The following UPB1 variants were observed in gnomAD, a reference collection of about 807,000 sequenced individuals.
UPB1 encodes the protein beta-ureidopropionase 1, also known as beta-ureidopropionase.
UPB1 carries 40 observed loss-of-function variants against 49.1 expected under a neutral mutation model. The observed-to-expected ratio is 0.81, with a 90% CI of 0.63 to 1.06. The LOEUF (loss-of-function observed/expected upper bound fraction) is 1.06. UPB1 is among the 50% of genes least tolerant of loss of function. The pLI, the probability that UPB1 is intolerant of heterozygous loss-of-function variation, is 0.00. For synonymous variants in UPB1, 207 were observed against 198.2 expected, an observed-to-expected ratio of 1.04 and a Z score of -0.38; for missense variants, 499 against 505.9, an observed-to-expected ratio of 0.99 and a Z score of 0.13.
At chr22:24,522,456 C>T (rs1184546557) in intron 8 of UPB1, among the ~76,000 whole-genome samples, 1 of 152,178 alleles carries the variant, frequency 6.6e-6, no homozygotes, top group Admixed American at 6.5e-5. Flanking sequence ...TTTCTAGAGT[C>T]CATGGCTTGT....
intron 3 of UPB1, among the ~76,000 whole-genome samples, chr22:24,507,148 A>G (rs2044105458): frequency 6.6e-6 from 1 of 152,242 alleles, no homozygotes; most frequent in Non-Finnish European, 1.5e-5. Flanking sequence ...GTAAACAGGA[A>G]AAGAAGCTGC....
At chr22:24,524,140 G>T (rs1159592977) in intron 9 of UPB1, among the ~76,000 whole-genome samples, 1 of 152,162 alleles carries the variant, frequency 6.6e-6, no homozygotes, top group East Asian at 1.9e-4. Flanking sequence ...GTCTGGTTCT[G>T]CTTGTGGCCA....
At chr22:24,500,490 C>A (rs1290743584) in intron 2 of UPB1, among the ~76,000 whole-genome samples, 3 of 152,270 alleles carry the variant, frequency 2.0e-5, no homozygotes, top group Non-Finnish European at 4.4e-5. Flanking sequence ...GTCTCTCCCT[C>A]CTCCTCACTG....
In UPB1 at chr22:24,510,283, C is replaced by A. The variant is rs77876202; in HGVS notation, c.365-466C>A. Among the ~76,000 whole-genome samples the A allele has an allele frequency of 2.8e-3, 420 of 151,774 alleles. 1 individual carries two copies. Among genetic ancestry groups the A allele is most frequent in the African/African-American group, 8.3e-3 (342 of 41,366 alleles). On this transcript the variant is annotated intron_variant, in intron 3 of 9. Coordinates refer to ENST00000326010, the MANE Select transcript of UPB1 (RefSeq NM_016327.3). Reference sequence around the variant, plus strand: ...ACTCTAAATACCTCCTATGAGTAGACGCCTACAGTATTTGTTTTGTGTCTT... The same window carrying A: ...ACTCTAAATACCTCCTATGAGTAGAAGCCTACAGTATTTGTTTTGTGTCTT...
At chr22:24,505,523 T>A (rs2044073732) in intron 3 of UPB1, among the ~76,000 whole-genome samples, 2 of 152,196 alleles carry the variant, frequency 1.3e-5, no homozygotes, top group Admixed American at 1.3e-4. Context: ...TTCAGCATGC[T>A]GATGTTTACT....
chr22:24,511,258 G>A (rs1033930062), intron 4 of UPB1, among the ~76,000 whole-genome samples: 1 of 152,068 alleles, frequency 6.6e-6, no homozygotes, highest in Non-Finnish European at 1.5e-5. Flanking sequence ...ATAGAAATTG[G>A]TTTTGATTTT....
In UPB1 at chr22:24,515,257, A is replaced by G. The variant is rs2044272585; in HGVS notation, c.678A>G (p.Gly226=). 6.2e-7 allele frequency: 1 copy of G among 1,614,164 alleles called. No homozygotes were observed. The highest frequency in any genetic ancestry group is 1.1e-5 in the South Asian group (1 of 91,076). The stretch of plus-strand genomic sequence containing the variant: ...ACCCCGTGTTCCAGACGCAGTTCGG[A>G]AGGATCGCGGTGAACATTTGCTACG... ...LGHPVFQTQF[G]RIAVNICYGR... Residue 226 remains glycine, a synonymous_variant, in exon 6 of 10, where the codon GGA becomes GGG. Coordinates refer to ENST00000326010, the MANE Select transcript of UPB1 (RefSeq NM_016327.3).
At position 24,526,620 on chromosome 22, in the gene UPB1, C is replaced by G. The variant is rs1376328553; in HGVS notation, c.*826C>G. The G allele has an allele frequency of 6.6e-6, 1 of 152,222 alleles. No individual in the cohort carries two copies. The allele number at this position is 152,222 out of a possible 1,614,324, so 9.4% of individuals were successfully genotyped here. On this transcript the variant is annotated 3_prime_UTR_variant, in exon 10 of 10. Coordinates refer to ENST00000326010, the MANE Select transcript of UPB1 (RefSeq NM_016327.3). ...CTTCTCTAGTTGAATCTGACTGATA[C>G]AGATTTTGGTGCCAAAAGTGGTTCT...
chr22:24,515,912 G>T (rs1177905072), intron 6 of UPB1, among the ~76,000 whole-genome samples: 1 of 152,212 alleles, frequency 6.6e-6, no homozygotes, highest in African/African-American at 2.4e-5. Context: ...GGAGGCGGAG[G>T]TTGCAGTGAG....
intron 3 of UPB1, among the ~76,000 whole-genome samples, chr22:24,508,059 G>A (rs1289529838): frequency 6.6e-6 from 1 of 151,996 alleles, no homozygotes; most frequent in African/African-American, 2.4e-5. Flanking sequence ...TTTCTACCAG[G>A]CACCATGCTT....
At chr22:24,501,141 A>C (rs1321092951) in intron 2 of UPB1, among the ~76,000 whole-genome samples, 2 of 152,052 alleles carry the variant, frequency 1.3e-5, no homozygotes, top group African/African-American at 4.8e-5. Flanking sequence ...TGTTTTTTTC[A>C]CGTGCACAGG....
At chr22:24,517,545 C>T (rs149998644) in intron 6 of UPB1, among the ~76,000 whole-genome samples, 200 of 152,374 alleles carry the variant, frequency 1.3e-3, no homozygotes, top group Non-Finnish European at 2.3e-3. Flanking sequence ...ACTCAGATGG[C>T]TCCTCGCCTT....
intron 6 of UPB1, among the ~76,000 whole-genome samples, chr22:24,519,115 G>A (rs907679448): frequency 3.9e-5 from 6 of 152,198 alleles, no homozygotes; most frequent in African/African-American, 7.2e-5. Context: ...ATTTACTGGT[G>A]TGTTTCTGTA....
chr22:24,507,951 C>A (rs1421323542), intron 3 of UPB1, among the ~76,000 whole-genome samples: 4 of 152,084 alleles, frequency 2.6e-5, no homozygotes, highest in African/African-American at 9.7e-5. Context: ...CCTCCTCCAG[C>A]CCCCCAATAT....
At chr22:24,506,082 G>A (rs1358878145) in intron 3 of UPB1, among the ~76,000 whole-genome samples, 22 of 146,060 alleles carry the variant, frequency 1.5e-4, no homozygotes, top group Non-Finnish European at 2.4e-4. Flanking sequence ...ATGCAGTGGC[G>A]CATTCTCAGC....
At chr22:24,517,813 C>T (rs978378752) in intron 6 of UPB1, among the ~76,000 whole-genome samples, 1 of 152,212 alleles carries the variant, frequency 6.6e-6, no homozygotes, top group Non-Finnish European at 1.5e-5. Flanking sequence ...CTAAAATGCT[C>T]ATGCCCTTTG....
At position 24,501,827 on chromosome 22, in the gene UPB1, C is replaced by T. The variant is rs574549599; in HGVS notation, c.277-299C>T. On this transcript the variant is annotated intron_variant, in intron 2 of 9. Coordinates refer to ENST00000326010, the MANE Select transcript of UPB1 (RefSeq NM_016327.3). ...ATGGGTGTGAACGTGGGCCCTGGAC[C>T]GGAAGCAGCACCATCCTCATCCCTG... Among the ~76,000 whole-genome samples, 5 of 152,204 alleles carry T rather than the reference C, an allele frequency of 3.3e-5. No homozygotes were observed. In the East Asian group the frequency reaches 5.8e-4, roughly 18 times the overall value.
At chr22:24,502,012 A>G (rs1305961141) in intron 2 of UPB1, 114 bp from the exon 3 acceptor site, 12 of 1,034,522 alleles carry the variant, frequency 1.2e-5, no homozygotes, top group Non-Finnish European at 1.7e-5. Flanking sequence ...TCCCCACCCT[A>G]CTCCTCATAC....
intron 9 of UPB1, 62 bp from the exon 10 acceptor site, chr22:24,525,649 G>A (rs532040590): frequency 1.2e-5 from 19 of 1,600,340 alleles, no homozygotes; most frequent in South Asian, 3.3e-5. Context: ...AGGTGGTGGC[G>A]TGTAAGTGAT....
Sources: allele counts gnomAD v4.1 joint callset (sites outside exome capture counted in the v4.1 genomes callset), GRCh38; gene constraint gnomAD v4.1.1; transcripts MANE v1.5; gene names NCBI Gene and HGNC (gene_info 2026-07-23, HGNC 2026-07-21).